The following IQSEC1 variants were observed in gnomAD, a reference collection of about 807,000 sequenced individuals.
The protein encoded by IQSEC1 is IQ motif and Sec7 domain ArfGEF 1.
In IQSEC1, 31 loss-of-function variants were observed where a neutral mutation model predicts 91.0. That is an observed-to-expected ratio of 0.34 (90% CI 0.26 to 0.46). IQSEC1 has a LOEUF of 0.46. Among genes scored for constraint, IQSEC1 ranks in the 20% least tolerant of loss-of-function variants. IQSEC1 has a pLI of 1.00. For missense variants in IQSEC1, 1,388 were observed against 1,575.6 expected (o/e 0.88, Z 2.02); for synonymous variants, 699 against 662.6 (o/e 1.05, Z -0.84).
chr3:12,997,705 T>C (rs978548607), intron 1 of IQSEC1, among the ~76,000 whole-genome samples: 2 of 152,238 alleles, frequency 1.3e-5, no homozygotes, highest in Non-Finnish European at 2.9e-5. Context: ...AATTATTCCC[T>C]TGGTTTCCTC....
At chr3:13,230,208 G>A (rs1694819521) in intron 1 of IQSEC1, among the ~76,000 whole-genome samples, 1 of 152,302 alleles carries the variant, frequency 6.6e-6, no homozygotes, top group East Asian at 1.9e-4. Context: ...ATTACCCGAA[G>A]AAAGATGGGT....
intron 1 of IQSEC1, among the ~76,000 whole-genome samples, chr3:13,031,985 T>C (rs1353472218): frequency 6.6e-6 from 1 of 152,106 alleles, no homozygotes; most frequent in Non-Finnish European, 1.5e-5. Context: ...CACAGAAAAG[T>C]TGTGGGAAGA....
At chr3:13,170,986 G>A (rs1050735852) in intron 1 of IQSEC1, among the ~76,000 whole-genome samples, 1 of 152,106 alleles carries the variant, frequency 6.6e-6, no homozygotes, top group African/African-American at 2.4e-5. Flanking sequence ...TGTAATCCCA[G>A]CTACTTGGGA....
At chr3:13,141,040 G>A (rs1213852350) in intron 2 of IQSEC1, among the ~76,000 whole-genome samples, 5 of 152,234 alleles carry the variant, frequency 3.3e-5, no homozygotes, top group African/African-American at 1.2e-4. Flanking sequence ...CTGAGGGCAC[G>A]CAGTAATCCC....
intron 2 of IQSEC1, among the ~76,000 whole-genome samples, chr3:13,083,453 C>A (rs137954749): frequency 0.017 from 2,520 of 152,344 alleles, 71 homozygotes; most frequent in African/African-American, 0.058. Context: ...AACGACTCAG[C>A]CTCTCTGGGC....
chr3:12,905,620 CATG>C (rs1335066696), intron 12 of IQSEC1, among the ~76,000 whole-genome samples: 8 of 152,248 alleles, frequency 5.3e-5, no homozygotes, highest in Non-Finnish European at 1.2e-4. Context: ...CTGGGCCTGA[CATG>C]GTGGGGAGGG....
intron 1 of IQSEC1, among the ~76,000 whole-genome samples, chr3:13,015,308 G>A (rs905069919): frequency 6.6e-6 from 1 of 152,190 alleles, no homozygotes; most frequent in Non-Finnish European, 1.5e-5. Flanking sequence ...CCCTAATGGG[G>A]CCTGGGGCTG....
intron 2 of IQSEC1, among the ~76,000 whole-genome samples, chr3:12,939,119 G>A (rs1006635948): frequency 1.1e-4 from 16 of 152,170 alleles, no homozygotes; most frequent in Non-Finnish European, 1.6e-4. Context: ...CTGCTCTCCC[G>A]AGGGGTTTCA....
intron 2 of IQSEC1, among the ~76,000 whole-genome samples, chr3:13,146,243 G>A (rs1194131962): frequency 1.3e-5 from 2 of 151,760 alleles, no homozygotes; most frequent in African/African-American, 4.8e-5. Flanking sequence ...CACCTTGGCC[G>A]CCCAAAGTTC....
At chr3:13,040,154 C>T (rs1265893675) in intron 1 of IQSEC1, among the ~76,000 whole-genome samples, 3 of 152,194 alleles carry the variant, frequency 2.0e-5, no homozygotes, top group African/African-American at 7.2e-5. Context: ...CCATGTGAGG[C>T]TTGGTCCCAC....
intron 1 of IQSEC1, among the ~76,000 whole-genome samples, chr3:13,046,587 C>A (rs1704503758): frequency 6.6e-6 from 1 of 152,176 alleles, no homozygotes; most frequent in South Asian, 2.1e-4. Flanking sequence ...GTTCAAAAAC[C>A]CCCTCTCCCA....
intron 1 of IQSEC1, among the ~76,000 whole-genome samples, chr3:13,275,476 C>A (rs956214974): frequency 6.6e-6 from 1 of 152,194 alleles, no homozygotes. Context: ...GTTGCACCGA[C>A]CTGTTACAAC....
intron 3 of IQSEC1, among the ~76,000 whole-genome samples, chr3:12,931,246 C>G (rs1305743113): frequency 1.3e-5 from 2 of 152,126 alleles, no homozygotes; most frequent in African/African-American, 4.8e-5. Flanking sequence ...GGGCCACAGG[C>G]CACAGTGGCC....
At chr3:12,934,783 G>T (rs958744441) in intron 3 of IQSEC1, among the ~76,000 whole-genome samples, 14 of 152,118 alleles carry the variant, frequency 9.2e-5, no homozygotes, top group African/African-American at 2.9e-4. Context: ...TCTCAGGATG[G>T]TCAACGGCAC....
intron 8 of IQSEC1, among the ~76,000 whole-genome samples, 192 bp downstream of exon 8, chr3:12,914,912 C>T (rs1695927663): frequency 6.6e-6 from 1 of 152,004 alleles, no homozygotes; most frequent in South Asian, 2.1e-4. Context: ...TCTCCCCTGA[C>T]AGCACAGCCT....
chr3:13,107,930 G>A (rs769733088), intron 2 of IQSEC1, among the ~76,000 whole-genome samples: 11 of 152,394 alleles, frequency 7.2e-5, no homozygotes, highest in Non-Finnish European at 1.3e-4. Context: ...TGGCCTGAGT[G>A]AGCTCCGGAC....
At chr3:13,194,340 T>C (rs766941876) in intron 1 of IQSEC1, among the ~76,000 whole-genome samples, 20 of 152,084 alleles carry the variant, frequency 1.3e-4, no homozygotes, top group Non-Finnish European at 2.8e-4. Flanking sequence ...CCCGTGTTTC[T>C]TGACCTACAG....
chr3:13,196,878 G>C (rs189014420), intron 1 of IQSEC1, among the ~76,000 whole-genome samples: 2 of 152,144 alleles, frequency 1.3e-5, no homozygotes, highest in Admixed American at 1.3e-4. Flanking sequence ...GGCCACACAG[G>C]CTTGTCCCAA....
At chr3:12,955,428 C>A (rs1699840116) in intron 1 of IQSEC1, among the ~76,000 whole-genome samples, 1 of 152,222 alleles carries the variant, frequency 6.6e-6, no homozygotes. Flanking sequence ...GGGCCGAGAG[C>A]CAGCTGGCAG....
Sources: gnomAD v4.1 joint callset for allele counts (sites outside exome capture counted in the v4.1 genomes callset) on GRCh38, gnomAD v4.1.1 for gene constraint, MANE v1.5 for transcripts, NCBI Gene and HGNC (gene_info 2026-07-23, HGNC 2026-07-21) for gene names.